Variants in GLT8D2 observed in about 807,000 individuals in gnomAD.
GLT8D2 encodes glycosyltransferase 8 domain-containing protein 2.
A neutral mutation model predicts 44.5 loss-of-function variants in GLT8D2; 45 were observed. The observed-to-expected ratio is 1.01, with a 90% CI of 0.80 to 1.30. The LOEUF is 1.30. Among genes scored for constraint, GLT8D2 ranks in the 50% most tolerant of loss-of-function variants. The pLI, the probability that GLT8D2 is intolerant of heterozygous loss-of-function variation, is 0.00. For synonymous variants in GLT8D2, 156 were observed against 157.2 expected (o/e 0.99, Z 0.06); for missense variants, 400 against 430.4 (o/e 0.93, Z 0.62).
chr12:104,051,335 T>C (rs1295617673), upstream of GLT8D2, among the ~76,000 whole-genome samples: 1 of 152,142 alleles, frequency 6.6e-6, no homozygotes, highest in Non-Finnish European at 1.5e-5. Context: ...TACAAAGAGG[T>C]AAAATTTATC....
At chr12:104,041,932 C>A (rs759384955) in intron 1 of GLT8D2, among the ~76,000 whole-genome samples, 3 of 152,200 alleles carry the variant, frequency 2.0e-5, no homozygotes, top group African/African-American at 7.2e-5. Context: ...CAAGATACTC[C>A]GTTCATTCTT....
Position 104,046,065 on chromosome 12 carries a change from AG to A in GLT8D2, c.-164+3829del, listed in dbSNP as rs556459584. On this transcript the variant is annotated intron_variant, in intron 1 of 10. Transcript: ENST00000360814. ...TGGGAATCAAAAAGCAAGATAAAAG[AG>A]GGGGTTCCTAAAAGTACTGTTGAAT... is the stretch of plus-strand genomic sequence containing the variant. 2.8e-3 allele frequency among the ~76,000 whole-genome samples: 426 copies of A among 152,230 alleles called. 3 individuals are homozygous for A. The highest frequency in any genetic ancestry group is 0.01 in the African/African-American group (421 of 41,542).
intron 5 of GLT8D2, among the ~76,000 whole-genome samples, chr12:104,002,473 T>C (rs1018447013): frequency 6.6e-6 from 1 of 152,212 alleles, no homozygotes; most frequent in Non-Finnish European, 1.5e-5. Context: ...CATTGTAAAG[T>C]TTTTAAATGT....
intron 7 of GLT8D2, 118 bp downstream of exon 7, chr12:103,997,333 A>G: frequency 6.4e-6 from 5 of 776,972 alleles, no homozygotes; most frequent in Non-Finnish European, 1.1e-5. Context: ...TGTACTCACA[A>G]CTTAAATAAG....
intron 1 of GLT8D2, among the ~76,000 whole-genome samples, chr12:104,021,905 A>G (rs142929998): frequency 0.054 from 818 of 15,106 alleles, 23 homozygotes; most frequent in South Asian, 0.19. Flanking sequence ...AAGAAGAAGA[A>G]GAAGAAGAAG....
intron 10 of GLT8D2, among the ~76,000 whole-genome samples, chr12:103,992,162 T>C (rs1158279020): frequency 2.0e-5 from 3 of 152,208 alleles, no homozygotes; most frequent in Admixed American, 2.0e-4. Flanking sequence ...TTAGAGTGGA[T>C]GTGAATGTGT....
intron 10 of GLT8D2, 53 bp from the exon 11 acceptor site, chr12:103,989,630 G>T: frequency 7.0e-7 from 1 of 1,428,754 alleles, no homozygotes; most frequent in Non-Finnish European, 9.6e-7. Context: ...TAACATTTTT[G>T]TATTATAAAT....
At chr12:104,027,650 C>T (rs552917572) in intron 1 of GLT8D2, among the ~76,000 whole-genome samples, 12 of 152,282 alleles carry the variant, frequency 7.9e-5, no homozygotes, top group Middle Eastern at 3.4e-3. Context: ...TTAATTTGCA[C>T]GCAGCTCCAG....
chr12:104,004,036 C>T (rs995040474), intron 4 of GLT8D2, among the ~76,000 whole-genome samples: 4 of 152,144 alleles, frequency 2.6e-5, no homozygotes, highest in African/African-American at 9.7e-5. Context: ...TCACCATAAT[C>T]AAGTGCGCTT....
chr12:104,042,490 C>A (rs1880664854), intron 1 of GLT8D2, among the ~76,000 whole-genome samples: 1 of 152,180 alleles, frequency 6.6e-6, no homozygotes, highest in Non-Finnish European at 1.5e-5. Context: ...CAAAGACATT[C>A]CAGTAGATTA....
chr12:104,011,796 G>A (rs1269026526), intron 4 of GLT8D2, among the ~76,000 whole-genome samples: 1 of 152,048 alleles, frequency 6.6e-6, no homozygotes, highest in African/African-American at 2.4e-5. Flanking sequence ...CACTCCAAAA[G>A]TAGACCTCTG....
At chr12:104,044,286 C>T (rs1191145236) in intron 1 of GLT8D2, among the ~76,000 whole-genome samples, 1 of 152,178 alleles carries the variant, frequency 6.6e-6, no homozygotes, top group South Asian at 2.1e-4. Flanking sequence ...TGCATCCCCT[C>T]AGCAATTACC....
upstream of GLT8D2, among the ~76,000 whole-genome samples, chr12:104,052,591 A>G (rs1027555791): frequency 1.3e-5 from 2 of 152,182 alleles, no homozygotes; most frequent in African/African-American, 4.8e-5. Flanking sequence ...GTCATCCTTC[A>G]GCATCAAATT....
At chr12:104,052,049 G>A (rs1471833777), upstream of GLT8D2, among the ~76,000 whole-genome samples, 1 of 152,136 alleles carries the variant, frequency 6.6e-6, no homozygotes, top group African/African-American at 2.4e-5. Flanking sequence ...CACGAGTCCA[G>A]GTTGGTCCAA....
At chr12:104,054,712 T>C (rs1156306584), upstream of GLT8D2, among the ~76,000 whole-genome samples, 3 of 152,056 alleles carry the variant, frequency 2.0e-5, no homozygotes, top group Non-Finnish European at 4.4e-5. Flanking sequence ...TGTCTAGTAC[T>C]TCCTTGAAAG....
In GLT8D2 at chr12:104,019,616, A is replaced by G. The variant is rs1482163085; in HGVS notation, c.19+14T>C. On this transcript the variant is annotated intron_variant, in intron 3 of 10. Coordinates refer to ENST00000360814, the MANE Select transcript of GLT8D2 (RefSeq NM_001384711.1). ...ATGTTTTTAAATCATTATTTTCAAA[A>G]GTTGAAATCTTACTTTTTCGTAACA... 2 of 1,601,948 alleles carry G rather than the reference A, an allele frequency of 1.2e-6. No homozygotes were observed. Among genetic ancestry groups the G allele is most frequent in the Admixed American group, 1.7e-5 (1 of 59,672 alleles).
intron 1 of GLT8D2, among the ~76,000 whole-genome samples, chr12:104,047,107 G>A (rs542256621): frequency 5.1e-4 from 77 of 152,236 alleles, no homozygotes; most frequent in African/African-American, 1.8e-3. Context: ...GTGATTACAG[G>A]CATGAGCCAC....
intron 3 of GLT8D2, among the ~76,000 whole-genome samples, chr12:104,018,382 G>A (rs937395785): frequency 5.9e-5 from 9 of 152,008 alleles, no homozygotes; most frequent in East Asian, 3.9e-4. Context: ...AAGAGTCTTC[G>A]TGGATGCCCT....
intron 1 of GLT8D2, among the ~76,000 whole-genome samples, chr12:104,028,897 C>T (rs562445637): frequency 3.3e-5 from 5 of 151,688 alleles, no homozygotes; most frequent in African/African-American, 9.7e-5. Flanking sequence ...ATTCTGAAGA[C>T]GAACTGCCCT....
Sources: allele counts gnomAD v4.1 joint callset (sites outside exome capture counted in the v4.1 genomes callset), GRCh38; gene constraint gnomAD v4.1.1; transcripts MANE v1.5; gene names NCBI Gene and HGNC (gene_info 2026-07-23, HGNC 2026-07-21).